The following GADL1 variants were observed in gnomAD, a reference collection of about 807,000 sequenced individuals.
GADL1 encodes the protein GAD like acidic amino acid decarboxylase 1.
In GADL1, 71 loss-of-function variants were observed where a neutral mutation model predicts 69.5. That is an observed-to-expected ratio of 1.02 (90% confidence interval 0.84 to 1.25). The LOEUF (loss-of-function observed/expected upper bound fraction) is 1.25, where lower values mean the gene tolerates loss of function less well. Among genes scored for constraint, GADL1 ranks in the 50% most tolerant of loss-of-function variants. The probability of loss-of-function intolerance (pLI) is 0.00; values close to 1 mark genes in which losing one functional copy is unlikely to be tolerated. For missense variants in GADL1, 737 were observed against 631.8 expected (o/e 1.17, Z -1.79); for synonymous variants, 254 against 214.4 (o/e 1.18, Z -1.62).
intron 2 of GADL1, among the ~76,000 whole-genome samples, chr3:30,857,591 T>C (rs1316105947): frequency 6.6e-6 from 1 of 151,988 alleles, no homozygotes. Context: ...AGTTTTTCTC[T>C]CTGTGTGTAC....
chr3:30,873,310 CTCA>C (rs1337079597), intron 1 of GADL1, among the ~76,000 whole-genome samples: 1 of 151,616 alleles, frequency 6.6e-6, no homozygotes, highest in Admixed American at 6.6e-5. Flanking sequence ...TCATTTAATC[CTCA>C]TAACTGCCTT....
chr3:30,797,613 G>C (rs1697065807), intron 12 of GADL1: 1 of 151,848 alleles, frequency 6.6e-6, no homozygotes, highest in African/African-American at 2.4e-5. Flanking sequence ...CAGGTTGTCT[G>C]TACCTCTATG....
chr3:30,814,221 G>A lies in GADL1; in HGVS notation c.1051-13133C>T, dbSNP rs116209614. Reference sequence around the variant, plus strand: ...GTCACACAAGGCAGTCCCAAGCAGAGGAATAATTTGAACACAAATCTTGCT... The same window carrying A: ...GTCACACAAGGCAGTCCCAAGCAGAAGAATAATTTGAACACAAATCTTGCT... On this transcript the variant is annotated intron_variant, in intron 11 of 14. Transcript: ENST00000282538. Among the ~76,000 whole-genome samples, 362 of 152,266 alleles carry A rather than the reference G, an allele frequency of 2.4e-3. 2 individuals carry two copies. The highest frequency in any genetic ancestry group is 8.5e-3 in the African/African-American group (353 of 41,552).
Position 30,743,075 on chromosome 3 carries a change from T to G in GADL1, c.1393-14660A>C, listed in dbSNP as rs74473072. Among the ~76,000 whole-genome samples the G allele has an allele frequency of 7.2e-3, 1,095 of 152,192 alleles. 15 individuals carry two copies. Among genetic ancestry groups the G allele is most frequent in the African/African-American group, 0.025 (1,032 of 41,526 alleles). The stretch of plus-strand genomic sequence containing the variant: ...AGAGTCCAAAAATGCTACATAAATT[T>G]TTTTCAACCTGTGTGAGTGGATTAT... On this transcript the variant is annotated intron_variant, in intron 14 of 14. Transcript: ENST00000282538.
chr3:30,865,359 A>G (rs1383337573), intron 1 of GADL1, among the ~76,000 whole-genome samples: 2 of 151,592 alleles, frequency 1.3e-5, no homozygotes, highest in Non-Finnish European at 2.9e-5. Flanking sequence ...TGAGAGCATG[A>G]GTTTGTGTCT....
chr3:30,862,094 A>G (rs1211098255), intron 1 of GADL1, among the ~76,000 whole-genome samples: 1 of 151,964 alleles, frequency 6.6e-6, no homozygotes, highest in African/African-American at 2.4e-5. Context: ...TACCATTCAC[A>G]TACAATTCCC....
chr3:30,785,144 CCTGT>C (rs1018650315), intron 13 of GADL1, among the ~76,000 whole-genome samples: 1 of 152,010 alleles, frequency 6.6e-6, no homozygotes, highest in Non-Finnish European at 1.5e-5. Flanking sequence ...ATATCTATAA[CCTGT>C]CTAATTATTT....
chr3:30,728,348 C>T lies in GADL1; in HGVS notation c.1460G>A (p.Arg487Gln), dbSNP rs62636627. 9.2e-5 allele frequency: 149 copies of T among 1,613,850 alleles called. 3 individuals are homozygous for T. In the African/African-American group the frequency reaches 1.0e-3, roughly 11 times the overall value. Residue 487 changes from arginine to glutamine, a missense_variant, in exon 15 of 15, where the codon CGG becomes CAG. Physicochemically the swap from Arg to Gln is conservative, Grantham distance 43. Coordinates refer to ENST00000282538, the MANE Select transcript of GADL1 (RefSeq NM_207359.3). ...CTGGCGGAAGAAGTTGACCTTTCCC[C>T]GGTGCGGCTGGTAGCCCAGCATCAA... ...GSLMLGYQPH[R>Q]GKVNFFRQVV...
intron 14 of GADL1, among the ~76,000 whole-genome samples, chr3:30,769,297 CATG>C (rs1040950014): frequency 7.9e-5 from 12 of 152,202 alleles, no homozygotes; most frequent in Non-Finnish European, 1.5e-4. Flanking sequence ...CCTGAACCAA[CATG>C]ATGTCTTGGT....
intron 1 of GADL1, among the ~76,000 whole-genome samples, chr3:30,893,365 A>G (rs1698811158): frequency 1.3e-5 from 2 of 151,912 alleles, no homozygotes; most frequent in Non-Finnish European, 2.9e-5. Flanking sequence ...GGTAATTACC[A>G]TACACCTGTC....
At chr3:30,865,245 G>T (rs1359677108) in intron 1 of GADL1, among the ~76,000 whole-genome samples, 1 of 151,212 alleles carries the variant, frequency 6.6e-6, no homozygotes, top group Admixed American at 6.6e-5. Context: ...TGATTCCAGA[G>T]CAGTGACTAC....
In GADL1 at chr3:30,839,124, G is replaced by C. The variant is rs751886715; in HGVS notation, c.787-11C>G. On this transcript the variant is annotated splice_polypyrimidine_tract_variant and intron_variant, in intron 8 of 14. Transcript: ENST00000282538. ...AAACGGTGCTGCCCCCTGTAAGAAG[G>C]ATCCACACACACAAAATTATCACTG... The C allele has an allele frequency of 1.4e-6, 2 of 1,480,598 alleles. No individual in the cohort carries two copies. The highest frequency in any genetic ancestry group is 2.8e-5 in the South Asian group (2 of 71,510). 91.7% of individuals were successfully genotyped at this position (1,480,598 alleles called of 1,614,324 possible). A position where few individuals can be genotyped will look rare whatever the true frequency, so the allele number is the denominator to read the frequency against.
chr3:30,885,442 A>G (rs1698690335), intron 1 of GADL1, among the ~76,000 whole-genome samples: 1 of 152,120 alleles, frequency 6.6e-6, no homozygotes, highest in Non-Finnish European at 1.5e-5. Flanking sequence ...CCTGGCCTAA[A>G]GTAAGTGAGA....
intron 14 of GADL1, among the ~76,000 whole-genome samples, chr3:30,765,013 C>CT (rs1444138774): frequency 6.7e-6 from 1 of 149,398 alleles, no homozygotes; most frequent in African/African-American, 2.5e-5. Context: ...GTTTAGCCAT[C>CT]TGTAGTCACA....
chr3:30,781,800 C>A (rs1696671091), intron 13 of GADL1, among the ~76,000 whole-genome samples: 1 of 152,172 alleles, frequency 6.6e-6, no homozygotes, highest in African/African-American at 2.4e-5. Context: ...GTGTCTGGCA[C>A]ACAGCAAGCA....
At chr3:30,837,757 C>A (rs1697896855) in intron 9 of GADL1, among the ~76,000 whole-genome samples, 1 of 151,826 alleles carries the variant, frequency 6.6e-6, no homozygotes, top group Non-Finnish European at 1.5e-5. Context: ...AAAATGCTCA[C>A]TTCATATTAT....
chr3:30,746,189 A>G (rs1200188469), intron 14 of GADL1, among the ~76,000 whole-genome samples: 1 of 151,950 alleles, frequency 6.6e-6, no homozygotes. Flanking sequence ...GGGTTTCACC[A>G]TGTTCACCAG....
chr3:30,789,693 G>A (rs1696872855), intron 12 of GADL1, among the ~76,000 whole-genome samples: 1 of 152,148 alleles, frequency 6.6e-6, no homozygotes, highest in South Asian at 2.1e-4. Context: ...AACTTGCTCA[G>A]TTTCTCCATG....
chr3:30,757,834 T>G (rs1696016137), intron 14 of GADL1, among the ~76,000 whole-genome samples: 2 of 152,142 alleles, frequency 1.3e-5, no homozygotes, highest in South Asian at 4.2e-4. Flanking sequence ...CAGAATACAC[T>G]AATAGCAAAG....
Sources: allele counts gnomAD v4.1 joint callset (sites outside exome capture counted in the v4.1 genomes callset), GRCh38; gene constraint gnomAD v4.1.1; transcripts MANE v1.5; gene names NCBI Gene and HGNC (gene_info 2026-07-23, HGNC 2026-07-21).